The following CNIH3 variants were observed in gnomAD, a reference collection of about 807,000 sequenced individuals.
CNIH3 encodes cornichon family AMPA receptor auxiliary protein 3.
Under a neutral mutation model 24.1 loss-of-function variants are expected in CNIH3, and 14 were observed. That is an observed-to-expected ratio of 0.58 (90% CI 0.38 to 0.91). The LOEUF is 0.91. Ranked by LOEUF, CNIH3 falls within the 40% of genes least tolerant of loss-of-function variation. CNIH3 has a pLI of 0.00. For synonymous variants in CNIH3, 68 were observed against 73.8 expected (o/e 0.92, Z 0.40); for missense variants, 178 against 196.8 (o/e 0.90, Z 0.57).
At position 224,495,029 on chromosome 1, in the gene CNIH3, C is replaced by A. The variant is rs1420381592; in HGVS notation, n.204-20712C>A. 2.0e-5 allele frequency among the ~76,000 whole-genome samples: 3 copies of A among 152,200 alleles called. 1 individual carries two copies. Among genetic ancestry groups the A allele is most frequent in the African/African-American group, 7.2e-5 (3 of 41,454 alleles). On this transcript the variant is annotated intron_variant and non_coding_transcript_variant, in intron 1 of 5. Transcript: ENST00000471578. ...ACAAATACACACACATGTACTCATACACGCATGCACACATGCACACACACA... is the reference window on the plus strand; with the variant it reads ...ACAAATACACACACATGTACTCATAAACGCATGCACACATGCACACACACA...
Position 224,739,346 on chromosome 1 carries a change from T to TA in CNIH3, c.473_474insA (p.Ser159GlufsTer19), listed in dbSNP as rs1347064866. 1 of 1,575,612 alleles carries TA rather than the reference T, an allele frequency of 6.3e-7. No individual in the cohort carries two copies. Among genetic ancestry groups the TA allele is most frequent in the East Asian group, 2.3e-5 (1 of 43,444 alleles). ...GCATTCAGCATGATCTACACTTTAG[T>TA]GAGCTCTTAACGCAAAGACCATGCA... On this transcript the variant is annotated frameshift_variant, in exon 6 of 6. Coordinates refer to ENST00000272133, the MANE Select transcript of CNIH3 (RefSeq NM_152495.2). LOFTEE classifies it high-confidence loss of function.
At chr1:224,695,993 G>A (rs1370875955) in intron 3 of CNIH3, among the ~76,000 whole-genome samples, 1 of 152,188 alleles carries the variant, frequency 6.6e-6, no homozygotes, top group African/African-American at 2.4e-5. Flanking sequence ...TGTGTGAGAG[G>A]CAGGAAAGCG....
intron 1 of CNIH3, among the ~76,000 whole-genome samples, chr1:224,658,369 C>A (rs1189145422): frequency 6.6e-6 from 1 of 151,736 alleles, no homozygotes; most frequent in African/African-American, 2.4e-5. Context: ...TGAGGTTTTG[C>A]CATGTTGCTC....
chr1:224,453,024 G>A (rs1675489032), intron 1 of CNIH3, among the ~76,000 whole-genome samples: 2 of 151,114 alleles, frequency 1.3e-5, no homozygotes, highest in Admixed American at 1.3e-4. Context: ...GGAAGGCTGA[G>A]GCAGGAGAAT....
At chr1:224,661,823 T>C (rs944681231) in intron 1 of CNIH3, 5 of 213,778 alleles carry the variant, frequency 2.3e-5, no homozygotes, top group Non-Finnish European at 4.7e-5. Context: ...TTCTGATATG[T>C]CATTTTAATA....
intron 1 of CNIH3, among the ~76,000 whole-genome samples, chr1:224,482,342 C>T (rs922819245): frequency 5.9e-5 from 9 of 152,030 alleles, no homozygotes; most frequent in African/African-American, 7.2e-5. Context: ...TGTGAATGTG[C>T]GGGGTCACAA....
At chr1:224,568,368 C>G (rs1217368606) in intron 4 of CNIH3, among the ~76,000 whole-genome samples, 1 of 152,050 alleles carries the variant, frequency 6.6e-6, no homozygotes, top group African/African-American at 2.4e-5. Flanking sequence ...TAGATGCCAG[C>G]TACTGAGCTG....
At chr1:224,488,950 C>A (rs1183581578) in intron 1 of CNIH3, among the ~76,000 whole-genome samples, 2 of 152,116 alleles carry the variant, frequency 1.3e-5, no homozygotes. Flanking sequence ...TTTCATATAA[C>A]CCTGTCTACT....
intron 1 of CNIH3, among the ~76,000 whole-genome samples, chr1:224,644,286 C>T (rs1684495119): frequency 6.6e-6 from 1 of 152,208 alleles, no homozygotes; most frequent in Non-Finnish European, 1.5e-5. Context: ...TCATGGCTCA[C>T]TGCAGCCTTG....
chr1:224,666,579 A>G (rs1269794842), intron 1 of CNIH3, among the ~76,000 whole-genome samples: 1 of 152,132 alleles, frequency 6.6e-6, no homozygotes, highest in African/African-American at 2.4e-5. Context: ...GGAGGTTTTT[A>G]CAAAGGGCCA....
chr1:224,699,442 A>C (rs916165358), intron 3 of CNIH3, among the ~76,000 whole-genome samples: 2 of 152,212 alleles, frequency 1.3e-5, no homozygotes, highest in African/African-American at 2.4e-5. Flanking sequence ...AGCCACAGGC[A>C]TTCTTCTTCT....
chr1:224,650,324 A>G (rs1052207605), intron 1 of CNIH3, among the ~76,000 whole-genome samples: 2 of 152,126 alleles, frequency 1.3e-5, no homozygotes, highest in African/African-American at 4.8e-5. Context: ...ACGGGATACA[A>G]GTTTCTCTGG....
chr1:224,682,491 A>G (rs1024982699), intron 2 of CNIH3, among the ~76,000 whole-genome samples: 1 of 152,234 alleles, frequency 6.6e-6, no homozygotes, highest in Admixed American at 6.5e-5. Context: ...GAACTCTTTC[A>G]AAGCAAATTT....
chr1:224,723,818 G>A (rs72761840), intron 3 of CNIH3, among the ~76,000 whole-genome samples: 27,762 of 152,234 alleles, frequency 0.18, 3,234 homozygotes, highest in Middle Eastern at 0.27. Context: ...ACTTGGTCCA[G>A]GCATTTAGGA....
intron 1 of CNIH3, among the ~76,000 whole-genome samples, chr1:224,659,310 G>A (rs1685235875): frequency 6.6e-6 from 1 of 152,120 alleles, no homozygotes; most frequent in South Asian, 2.1e-4. Context: ...GACTTTAAAA[G>A]CAATACAGAA....
At chr1:224,725,211 GA>G (rs999709195) in intron 3 of CNIH3, among the ~76,000 whole-genome samples, 54 of 152,214 alleles carry the variant, frequency 3.5e-4, no homozygotes, top group African/African-American at 1.2e-3. Flanking sequence ...CTCTATCTCA[GA>G]AAAAATAATA....
chr1:224,720,650 G>A (rs1351155754), intron 3 of CNIH3, among the ~76,000 whole-genome samples: 3 of 152,136 alleles, frequency 2.0e-5, no homozygotes, highest in South Asian at 2.1e-4. Context: ...CATCTGCCCC[G>A]TGCTGAGTAA....
intron 3 of CNIH3, among the ~76,000 whole-genome samples, chr1:224,594,520 A>G (rs1681896429): frequency 6.6e-6 from 1 of 152,204 alleles, no homozygotes; most frequent in Non-Finnish European, 1.5e-5. Flanking sequence ...CAGGTCCTGG[A>G]AGCAGGAGGT....
At chr1:224,660,142 G>C (rs1846501) in intron 1 of CNIH3, among the ~76,000 whole-genome samples, 26,973 of 152,088 alleles carry the variant, frequency 0.18, 2,561 homozygotes, top group African/African-American at 0.24. Flanking sequence ...TAAAGACATA[G>C]CTGAGACTAG....
Sources: gnomAD v4.1 joint callset for allele counts (sites outside exome capture counted in the v4.1 genomes callset) on GRCh38, gnomAD v4.1.1 for gene constraint, MANE v1.5 for transcripts, NCBI Gene and HGNC (gene_info 2026-07-23, HGNC 2026-07-21) for gene names.